Variants in ADIG observed in about 807,000 individuals in gnomAD.
ADIG encodes the protein adipogenesis associated.
A neutral mutation model predicts 10.7 loss-of-function variants in ADIG; 12 were observed. That is an observed-to-expected ratio of 1.12 (90% CI 0.72 to 1.82). The LOEUF is 1.82. Ranked by LOEUF, ADIG falls within the 40% of genes most tolerant of loss-of-function variation. ADIG has a pLI of 0.00. For synonymous variants in ADIG, 32 were observed against 35.6 expected (o/e 0.90, Z 0.36); for missense variants, 72 against 92.5 (o/e 0.78, Z 0.91).
chr20:38,587,019 TCTC>T (rs1464891326), intron 2 of ADIG, among the ~76,000 whole-genome samples: 2 of 152,160 alleles, frequency 1.3e-5, no homozygotes, highest in Non-Finnish European at 1.5e-5. Flanking sequence ...TCTCATCTAA[TCTC>T]CTCCCAAGCT....
At chr20:38,588,046 C>T in intron 2 of ADIG, 55 bp from the exon 3 acceptor site, 1 of 1,241,974 alleles carries the variant, frequency 8.1e-7, no homozygotes, top group Non-Finnish European at 1.0e-6. Flanking sequence ...CCTTACCCAC[C>T]TCTTTTTTCT....
At position 38,585,054 on chromosome 20, in the gene ADIG, C is replaced by G. The variant is rs572691249; in HGVS notation, c.125-975C>G. Among the ~76,000 whole-genome samples, 6 of 152,306 alleles carry G rather than the reference C, an allele frequency of 3.9e-5. No homozygotes were observed. The South Asian group carries it at 1.2e-3, about 32-fold the overall frequency. Reference sequence around the variant, plus strand: ...CCTCCCAAAGTGCTGGGATTACAGGCGTGAGCCACTGTGCCCGGCCCCTAC... The same window carrying G: ...CCTCCCAAAGTGCTGGGATTACAGGGGTGAGCCACTGTGCCCGGCCCCTAC... On this transcript the variant is annotated intron_variant, in intron 1 of 2. Coordinates refer to ENST00000537425, the MANE Select transcript of ADIG (RefSeq NM_001393816.1).
intron 1 of ADIG, among the ~76,000 whole-genome samples, chr20:38,583,910 C>T (rs1601119519): frequency 6.6e-6 from 1 of 152,144 alleles, no homozygotes; most frequent in South Asian, 2.1e-4. Context: ...TATTATTGTG[C>T]GTGTTTTGCC....
At chr20:38,587,445 C>T (rs1039608193) in intron 2 of ADIG, among the ~76,000 whole-genome samples, 4 of 152,152 alleles carry the variant, frequency 2.6e-5, no homozygotes, top group African/African-American at 4.8e-5. Flanking sequence ...TATGAATGCC[C>T]TCAGAGATTT....
At position 38,581,241 on chromosome 20, in the gene ADIG, C is replaced by G; in HGVS notation, c.-10C>G. Reference sequence around the variant, plus strand: ...AGCCCAGGCTGGCCCAGCTTAGCCACACATGCGCCATGAAGTACCCTTTGA... The same window carrying G: ...AGCCCAGGCTGGCCCAGCTTAGCCAGACATGCGCCATGAAGTACCCTTTGA... On this transcript the variant is annotated 5_prime_UTR_variant, in exon 1 of 3. Transcript: ENST00000537425. The G allele has an allele frequency of 6.2e-7, 1 of 1,605,174 alleles. No homozygotes were observed. The highest frequency in any genetic ancestry group is 8.5e-7 in the Non-Finnish European group (1 of 1,175,564).
intron 1 of ADIG, chr20:38,585,526 G>T: frequency 6.4e-7 from 1 of 1,550,504 alleles, no homozygotes; most frequent in Non-Finnish European, 8.7e-7. Flanking sequence ...TCTCCATGTG[G>T]TGTGACTCTC....
At chr20:38,587,104 G>A (rs2088643990) in intron 2 of ADIG, among the ~76,000 whole-genome samples, 1 of 152,100 alleles carries the variant, frequency 6.6e-6, no homozygotes, top group Non-Finnish European at 1.5e-5. Context: ...ACCCAGCCAA[G>A]CAAAACAGCA....
At chr20:38,584,574 G>C (rs1333200346) in intron 1 of ADIG, among the ~76,000 whole-genome samples, 1 of 152,186 alleles carries the variant, frequency 6.6e-6, no homozygotes, top group Non-Finnish European at 1.5e-5. Flanking sequence ...GGCTGAATTT[G>C]CATCCAGTAG....
intron 1 of ADIG, among the ~76,000 whole-genome samples, chr20:38,583,507 G>T (rs2088606757): frequency 1.3e-5 from 2 of 152,234 alleles, no homozygotes; most frequent in Admixed American, 6.5e-5. Flanking sequence ...TACAGGGCAG[G>T]GCACACAGTA....
chr20:38,581,450 G>A, intron 1 of ADIG, 76 bp downstream of exon 1: 2 of 1,589,252 alleles, frequency 1.3e-6, no homozygotes, highest in Non-Finnish European at 1.7e-6. Context: ...AGTGTGTCCT[G>A]AAACAACTGC....
intron 1 of ADIG, among the ~76,000 whole-genome samples, chr20:38,582,400 G>C (rs986902669): frequency 6.6e-6 from 1 of 152,142 alleles, no homozygotes; most frequent in Non-Finnish European, 1.5e-5. Context: ...TCAAAAAAAG[G>C]CCTCTTCGTG....
chr20:38,583,174 A>G (rs139836778), intron 1 of ADIG, among the ~76,000 whole-genome samples: 2 of 152,318 alleles, frequency 1.3e-5, no homozygotes. Flanking sequence ...AACACTGACT[A>G]TATACCAGAC....
intron 1 of ADIG, chr20:38,585,365 G>A: frequency 1.3e-6 from 2 of 1,512,088 alleles, no homozygotes; most frequent in South Asian, 2.4e-5. Context: ...ATTGGGGAAT[G>A]GTGCAGCATT....
chr20:38,581,851 G>A (rs1002041950), intron 1 of ADIG, among the ~76,000 whole-genome samples: 1 of 152,204 alleles, frequency 6.6e-6, no homozygotes, highest in Admixed American at 6.5e-5. Flanking sequence ...GCAGCCTTAG[G>A]CATTTTTCAG....
chr20:38,585,692 T>C (rs1446739405), intron 1 of ADIG: 2 of 711,196 alleles, frequency 2.8e-6, no homozygotes. Context: ...AATGAACTAG[T>C]GGACTAGTGG....
intron 1 of ADIG, among the ~76,000 whole-genome samples, chr20:38,582,114 A>T (rs193057429): frequency 6.6e-6 from 1 of 152,170 alleles, no homozygotes; most frequent in African/African-American, 2.4e-5. Flanking sequence ...CCCCTTCAGC[A>T]AGAGGTCTCT....
At chr20:38,585,688 C>A in intron 1 of ADIG, 1 of 709,914 alleles carries the variant, frequency 1.4e-6, no homozygotes, top group Non-Finnish European at 2.3e-6. Flanking sequence ...AATGAATGAA[C>A]TAGTGGACTA....
chr20:38,588,301 G>A lies in ADIG; in HGVS notation c.*215G>A, dbSNP rs2088654751. The A allele has an allele frequency of 7.7e-7, 1 of 1,304,142 alleles. No homozygotes were observed. The highest frequency in any genetic ancestry group is 1.0e-6 in the Non-Finnish European group (1 of 988,936). The allele number at this position is 1,304,142 out of a possible 1,614,324, so 80.8% of individuals were successfully genotyped here. A position where few individuals can be genotyped will look rare whatever the true frequency, so the allele number is the denominator to read the frequency against. On this transcript the variant is annotated 3_prime_UTR_variant, in exon 3 of 3. Coordinates refer to ENST00000537425, the MANE Select transcript of ADIG (RefSeq NM_001393816.1). ...CAGATGACCTCCAGCCCTGCAGGGA[G>A]CCGCTCAAGTCTGGGAGGGCATGGG...
At chr20:38,581,453 A>G in intron 1 of ADIG, 79 bp downstream of exon 1, 1 of 1,583,978 alleles carries the variant, frequency 6.3e-7, no homozygotes, top group Non-Finnish European at 8.6e-7. Context: ...GTGTCCTGAA[A>G]CAACTGCAGA....
Sources: gnomAD v4.1 joint callset for allele counts (sites outside exome capture counted in the v4.1 genomes callset) on GRCh38, gnomAD v4.1.1 for gene constraint, MANE v1.5 for transcripts, NCBI Gene and HGNC (gene_info 2026-07-23, HGNC 2026-07-21) for gene names.